The following CDHR1 variants were observed in gnomAD, a reference collection of about 807,000 sequenced individuals.
The protein encoded by CDHR1 is cadherin related family member 1, also known as cadherin-related family member 1.
A neutral mutation model predicts 72.1 loss-of-function variants in CDHR1; 61 were observed. That is an observed-to-expected ratio of 0.85 (90% CI 0.69 to 1.05). CDHR1 has a LOEUF of 1.05. CDHR1 is among the 50% of genes least tolerant of loss of function. The pLI, the probability that CDHR1 is intolerant of heterozygous loss-of-function variation, is 0.00. For synonymous variants in CDHR1, 470 were observed against 448.1 expected (o/e 1.05, Z -0.62); for missense variants, 1,186 against 1,115.7 (o/e 1.06, Z -0.90).
At chr10:84,200,951 T>C (rs1389675874) in intron 6 of CDHR1, among the ~76,000 whole-genome samples, 2 of 152,176 alleles carry the variant, frequency 1.3e-5, no homozygotes, top group Admixed American at 1.3e-4. Flanking sequence ...TCCCCAGCCC[T>C]TTCCCCAGGG....
chr10:84,198,462 C>T (rs17103203), intron 4 of CDHR1, among the ~76,000 whole-genome samples: 23,352 of 152,274 alleles, frequency 0.15, 2,128 homozygotes, highest in African/African-American at 0.24. Flanking sequence ...AGCCATAAAT[C>T]TACTTTCATC....
rs774936408 is a variant in CDHR1 at position 84,203,033 on chromosome 10, G to C, written c.693G>C (p.Thr231=). ...GADVVFSATT[T]VTVNVEDVQD... ...ATGTGGTGTTCTCAGCCACCACCAC[G>C]GTCACGGTCAATGTGGAGGATGTTC... Residue 231 remains threonine, a synonymous_variant, in exon 8 of 17, where the codon ACG becomes ACC. Coordinates refer to ENST00000623527, the MANE Select transcript of CDHR1 (RefSeq NM_033100.4). The C allele has an allele frequency of 3.7e-6, 6 of 1,614,088 alleles. No individual in the cohort carries two copies. The highest frequency in any genetic ancestry group is 5.1e-6 in the Non-Finnish European group (6 of 1,180,024).
chr10:84,203,637 A>G (rs1279757407), intron 8 of CDHR1, among the ~76,000 whole-genome samples: 1 of 152,162 alleles, frequency 6.6e-6, no homozygotes, highest in African/African-American at 2.4e-5. Context: ...GCTGTTCTGG[A>G]ACTCCTGACC....
intron 4 of CDHR1, 131 bp from the exon 5 acceptor site, chr10:84,198,901 G>GAA: frequency 1.5e-6 from 1 of 655,908 alleles, no homozygotes; most frequent in African/African-American, 2.8e-5. Flanking sequence ...ATAAAAGAAG[G>GAA]AAGAGAGAGA....
rs1279285107 is a variant in CDHR1, at chr10:84,214,427, C to T, written c.2386C>T (p.Pro796Ser). 6.2e-7 allele frequency: 1 copy of T among 1,613,458 alleles called. No individual in the cohort carries two copies. The highest frequency in any genetic ancestry group is 8.5e-7 in the Non-Finnish European group (1 of 1,180,034). The change falls in exon 17 of 17, where the codon CCA becomes TCA. Residue 796 changes from proline (P) to serine (S), a missense_variant. Pro to Ser is a moderately conservative substitution (Grantham distance 74, BLOSUM62 -1). Transcript: ENST00000623527. ...SLLPRAPALPPPPSVAPSTGA... is the reference protein window; with the variant it reads ...SLLPRAPALPSPPSVAPSTGA... ...GCTCCCGAGAGCTCCGGCTCTCCCTCCACCACCCAGCGTGGCGCCCAGCAC... is the reference window on the plus strand; with the variant it reads ...GCTCCCGAGAGCTCCGGCTCTCCCTTCACCACCCAGCGTGGCGCCCAGCAC...
At position 84,195,534 on chromosome 10, in the gene CDHR1, C is replaced by A. The variant is rs2132784921; in HGVS notation, c.96C>A (p.Val32=). ...CCCCGCACTTCTTCGACAACGGGGT[C>A]GGCAGCACCAACGGAAACATGGCTC... ...NFAPHFFDNG[V]GSTNGNMALF... The change falls in exon 2 of 17, where the codon GTC becomes GTA. Residue 32 remains valine, a synonymous_variant. Coordinates refer to ENST00000623527, the MANE Select transcript of CDHR1 (RefSeq NM_033100.4). 1 of 1,614,166 alleles carries A rather than the reference C, an allele frequency of 6.2e-7. No homozygotes were observed. Among genetic ancestry groups the A allele is most frequent in the Non-Finnish European group, 8.5e-7 (1 of 1,180,018 alleles).
rs1161206062 is a variant in CDHR1, at chr10:84,200,610, G to C, written c.448G>C (p.Ala150Pro). 6.2e-7 allele frequency: 1 copy of C among 1,610,626 alleles called. No homozygotes were observed. The change falls in exon 6 of 17, where the codon GCT becomes CCT. Residue 150 changes from alanine (A) to proline (P), a missense_variant. Ala to Pro is a conservative substitution (Grantham distance 27, BLOSUM62 -1). Coordinates refer to ENST00000623527, the MANE Select transcript of CDHR1 (RefSeq NM_033100.4). ...YVALVPEDIP[A>P]GSIIFKVHAV... ...GCTGTGACCCCCTCAGGACATACCT[G>C]CTGGGAGCATCATCTTTAAGGTCCA...
rs139473337 is a variant in CDHR1 at position 84,200,478 on chromosome 10, C to T, written c.439-123C>T. The T allele has an allele frequency of 1.9e-4, 142 of 732,152 alleles. No homozygotes were observed. In the African/African-American group the frequency reaches 2.2e-3, roughly 11 times the overall value. The allele number at this position is 732,152 out of a possible 1,614,324, so 45.4% of individuals were successfully genotyped here. A position where few individuals can be genotyped will look rare whatever the true frequency, so the allele number is the denominator to read the frequency against. Reference sequence around the variant, plus strand: ...ACTGGGTGCTCACACATTTTATCCTCAATTGTTCACCTCTTTTTGACACTT... The same window carrying T: ...ACTGGGTGCTCACACATTTTATCCTTAATTGTTCACCTCTTTTTGACACTT... On this transcript the variant is annotated intron_variant, in intron 5 of 16. Transcript: ENST00000623527.
chr10:84,212,552 A>G, intron 15 of CDHR1, 145 bp downstream of exon 15: 1 of 689,462 alleles, frequency 1.5e-6, no homozygotes, highest in Non-Finnish European at 2.6e-6. Context: ...GTATATCCCC[A>G]TCCCCACCTC....
chr10:84,203,267 C>T, intron 8 of CDHR1, 144 bp downstream of exon 8: 1 of 1,061,326 alleles, frequency 9.4e-7, no homozygotes, highest in South Asian at 1.4e-5. Flanking sequence ...ACTCACCCAG[C>T]CTCAGGCCAT....
chr10:84,219,389 C>T (rs1842475217), downstream of CDHR1: 13 of 1,443,274 alleles, frequency 9.0e-6, no homozygotes, highest in South Asian at 1.5e-4. Context: ...CCTGGCTCTC[C>T]CCTGCACTGC....
At chr10:84,198,673 C>T (rs374313031) in intron 4 of CDHR1, among the ~76,000 whole-genome samples, 6 of 152,360 alleles carry the variant, frequency 3.9e-5, no homozygotes, top group South Asian at 2.1e-4. Context: ...CATGTGTGTG[C>T]GCTGGTGCAG....
chr10:84,196,800 C>T (rs567714069), intron 3 of CDHR1, 150 bp downstream of exon 3: 43 of 891,720 alleles, frequency 4.8e-5, no homozygotes, highest in Admixed American at 1.1e-4. Flanking sequence ...TGTGAGATCT[C>T]TGGGCCACTT....
Position 84,205,939 on chromosome 10 carries a change from C to A in CDHR1, c.963+12C>A. 1 of 1,601,568 alleles carries A rather than the reference C, an allele frequency of 6.2e-7. No individual in the cohort carries two copies. The highest frequency in any genetic ancestry group is 8.6e-7 in the Non-Finnish European group (1 of 1,168,734). ...AGCTGCATGTACAGGTACCCTCCCT[C>A]TAGCTTTGTCTTCCCTGCCCACCTT... On this transcript the variant is annotated intron_variant, in intron 10 of 16. Transcript: ENST00000623527.
In CDHR1 at chr10:84,194,673, C is replaced by A. The variant is rs1006609923; in HGVS notation, c.-88C>A. On this transcript the variant is annotated 5_prime_UTR_variant, in exon 1 of 17. Coordinates refer to ENST00000623527, the MANE Select transcript of CDHR1 (RefSeq NM_033100.4). ...CAGTCGCCGCTACCCCCATTGTGGT[C>A]TCTGCCCTCCCCGCGGGCCCAGGGC... is the stretch of plus-strand genomic sequence containing the variant. The A allele has an allele frequency of 3.0e-5, 32 of 1,077,868 alleles. No homozygotes were observed. In the Admixed American group the frequency reaches 6.6e-4, roughly 22 times the overall value. 66.8% of individuals were successfully genotyped at this position (1,077,868 alleles called of 1,614,324 possible).
Position 84,214,999 on chromosome 10 carries a change from C to G in CDHR1, c.*378C>G. ...CTGGGATCTCATCATCATCCTTAGTCAAGCAGCAGGGCCCTGGCCACGTGG... is the reference window on the plus strand; with the variant it reads ...CTGGGATCTCATCATCATCCTTAGTGAAGCAGCAGGGCCCTGGCCACGTGG... On this transcript the variant is annotated 3_prime_UTR_variant, in exon 17 of 17. Transcript: ENST00000623527. 1 of 1,156,562 alleles carries G rather than the reference C, an allele frequency of 8.6e-7. No individual in the cohort carries two copies. Among genetic ancestry groups the G allele is most frequent in the Non-Finnish European group, 1.1e-6 (1 of 931,394 alleles). The allele number at this position is 1,156,562 out of a possible 1,614,324, so 71.6% of individuals were successfully genotyped here. A position where few individuals can be genotyped will look rare whatever the true frequency, so the allele number is the denominator to read the frequency against.
At chr10:84,210,844 A>G (rs948791325) in intron 12 of CDHR1, among the ~76,000 whole-genome samples, 157 bp from the exon 13 acceptor site, 2 of 152,216 alleles carry the variant, frequency 1.3e-5, no homozygotes, top group Non-Finnish European at 2.9e-5. Flanking sequence ...GCCAGGCCTT[A>G]GAGGTGACCC....
rs1329175779 is a variant in CDHR1, at chr10:84,215,243, A to G, written c.*622A>G. On this transcript the variant is annotated 3_prime_UTR_variant, in exon 17 of 17. Transcript: ENST00000623527. ...GATAGAGCATTCTGTCTGGGCAGAG[A>G]CTGTGGACCCTGGTATGCCCACGTG... 1.1e-5 allele frequency: 11 copies of G among 991,788 alleles called. No homozygotes were observed. Among genetic ancestry groups the G allele is most frequent in the Non-Finnish European group, 1.3e-5 (11 of 833,814 alleles). The allele number at this position is 991,788 out of a possible 1,614,324, so 61.4% of individuals were successfully genotyped here. A position where few individuals can be genotyped will look rare whatever the true frequency, so the allele number is the denominator to read the frequency against.
intron 4 of CDHR1, 143 bp downstream of exon 4, chr10:84,197,979 C>T (rs930560733): frequency 1.0e-5 from 8 of 776,388 alleles, no homozygotes; most frequent in Non-Finnish European, 1.8e-5. Context: ...GCCCAAAGTG[C>T]CCACAGGAGA....
Sources: allele counts gnomAD v4.1 joint callset (sites outside exome capture counted in the v4.1 genomes callset), GRCh38; gene constraint gnomAD v4.1.1; transcripts MANE v1.5; gene names NCBI Gene and HGNC (gene_info 2026-07-23, HGNC 2026-07-21).